The following BICD1 variants were observed in gnomAD, a reference collection of about 807,000 sequenced individuals.
BICD1 encodes the protein protein bicaudal D homolog 1.
Under a neutral mutation model 92.5 loss-of-function variants are expected in BICD1, and 35 were observed. That is an observed-to-expected ratio of 0.38 (90% CI 0.29 to 0.50). The LOEUF (loss-of-function observed/expected upper bound fraction) is 0.50, where lower values mean the gene tolerates loss of function less well. Among genes scored for constraint, BICD1 ranks in the 20% least tolerant of loss-of-function variants. The pLI is 0.93. For synonymous variants in BICD1, 429 were observed against 465.1 expected, an observed-to-expected ratio of 0.92 and a Z score of 1.00; for missense variants, 950 against 1,189.8, an observed-to-expected ratio of 0.80 and a Z score of 2.97.
rs542069299 is a variant in BICD1 at position 32,248,796 on chromosome 12, C to T, written c.426+32337C>T. ...ATTTATTAAGCAAAAGGAAAGCTCTCAGCAAAGAGGGGGGTCTGGAAAAGC... is the reference window on the plus strand; with the variant it reads ...ATTTATTAAGCAAAAGGAAAGCTCTTAGCAAAGAGGGGGGTCTGGAAAAGC... On this transcript the variant is annotated intron_variant, in intron 2 of 9. Transcript: ENST00000652176. 8.5e-5 allele frequency among the ~76,000 whole-genome samples: 13 copies of T among 152,242 alleles called. No individual in the cohort carries two copies. The South Asian group carries it at 2.5e-3, about 29-fold the overall frequency.
chr12:32,311,381 C>T (rs1049176760), intron 4 of BICD1, among the ~76,000 whole-genome samples: 1 of 152,148 alleles, frequency 6.6e-6, no homozygotes, highest in African/African-American at 2.4e-5. Flanking sequence ...TGCCTGTAGT[C>T]CCAGCTACTT....
chr12:32,243,745 C>A (rs761703494), intron 2 of BICD1, among the ~76,000 whole-genome samples: 1 of 152,144 alleles, frequency 6.6e-6, no homozygotes, highest in Non-Finnish European at 1.5e-5. Flanking sequence ...GCCCTTTAAG[C>A]AGAGAATATC....
At chr12:32,141,765 C>G (rs1022524456) in intron 1 of BICD1, among the ~76,000 whole-genome samples, 2 of 152,162 alleles carry the variant, frequency 1.3e-5, no homozygotes, top group African/African-American at 4.8e-5. Context: ...TGAGCCACCG[C>G]GCCTGGCCTG....
intron 1 of BICD1, among the ~76,000 whole-genome samples, chr12:32,174,296 A>G (rs982754424): frequency 9.9e-5 from 15 of 152,126 alleles, no homozygotes; most frequent in African/African-American, 3.6e-4. Flanking sequence ...TTATAGAAAT[A>G]TTCTTAAATT....
intron 1 of BICD1, among the ~76,000 whole-genome samples, chr12:32,185,330 C>T (rs1302236265): frequency 2.0e-5 from 3 of 152,188 alleles, no homozygotes; most frequent in African/African-American, 7.2e-5. Context: ...GAAATTATTA[C>T]ATTATACATT....
chr12:32,349,537 CAA>C (rs1938775863), intron 8 of BICD1, among the ~76,000 whole-genome samples: 1 of 152,096 alleles, frequency 6.6e-6, no homozygotes, highest in Non-Finnish European at 1.5e-5. Flanking sequence ...GCTATGAATT[CAA>C]GTTATTCTGT....
chr12:32,225,669 G>A (rs1167237971), intron 2 of BICD1, among the ~76,000 whole-genome samples: 1 of 124,112 alleles, frequency 8.1e-6, no homozygotes, highest in Admixed American at 1.1e-4. Flanking sequence ...TGTCCAGGCT[G>A]GAGTTCAATG....
At chr12:32,346,590 A>ATATATATATATATATACGTG (rs1938611720) in intron 8 of BICD1, among the ~76,000 whole-genome samples, 1 of 6,072 alleles carries the variant, frequency 1.6e-4, no homozygotes, top group Non-Finnish European at 2.4e-4. Context: ...ATACGTGTAT[A>ATATATATATATATATACGTG]TATATATATA....
rs552467310 is a variant in BICD1 at position 32,212,777 on chromosome 12, G to A, written c.214-3470G>A. On this transcript the variant is annotated intron_variant, in intron 1 of 9. Coordinates refer to ENST00000652176, the MANE Select transcript of BICD1 (RefSeq NM_001714.4). Reference sequence around the variant, plus strand: ...ATAAAATCACAAGTTATGCCAGAAAGCCACCGTACTTCTCATTGAATATAG... The same window carrying A: ...ATAAAATCACAAGTTATGCCAGAAAACCACCGTACTTCTCATTGAATATAG... Among the ~76,000 whole-genome samples the A allele has an allele frequency of 2.0e-5, 3 of 152,262 alleles. No individual in the cohort carries two copies. In the East Asian group the frequency reaches 5.8e-4, roughly 29 times the overall value.
chr12:32,163,078 AAT>A, intron 1 of BICD1, among the ~76,000 whole-genome samples: 1 of 152,322 alleles, frequency 6.6e-6, no homozygotes, highest in South Asian at 2.1e-4. Context: ...AAGCCTCATG[AAT>A]ATCTCTTACA....
At chr12:32,375,116 G>C (rs954701085) in intron 9 of BICD1, among the ~76,000 whole-genome samples, 16 of 150,206 alleles carry the variant, frequency 1.1e-4, no homozygotes, top group Admixed American at 2.7e-4. Context: ...TAGTAGAGAC[G>C]GGGTTTCACC....
chr12:32,282,199 C>CTTTT (rs1565639578), intron 2 of BICD1, among the ~76,000 whole-genome samples: 1 of 68,994 alleles, frequency 1.4e-5, no homozygotes, highest in Non-Finnish European at 2.8e-5. Flanking sequence ...TTCAGGTCTT[C>CTTTT]TTCTTTTTTT....
intron 1 of BICD1, 139 bp downstream of exon 1, chr12:32,107,683 GAT>G (rs1452467550): frequency 1.1e-6 from 1 of 943,824 alleles, no homozygotes; most frequent in African/African-American, 1.6e-5. Context: ...GGTAAGAGAA[GAT>G]TGAAAGAGTC....
rs570350221 is a variant in BICD1 at position 32,225,591 on chromosome 12, GC to G, written c.426+9135del. ...GTTCCTGTTGCCCCTATTCTTTCCA[GC>G]CCTTGGTATTTGACAGTTCTTTTTT... On this transcript the variant is annotated intron_variant, in intron 2 of 9. Transcript: ENST00000652176. Among the ~76,000 whole-genome samples, 325 of 135,980 alleles carry G rather than the reference GC, an allele frequency of 2.4e-3. 1 individual carries two copies. The highest frequency in any genetic ancestry group is 8.5e-3 in the African/African-American group (314 of 37,074). The allele number at this position is 135,980 out of a possible 152,430, so 89.2% of individuals were successfully genotyped here.
intron 4 of BICD1, among the ~76,000 whole-genome samples, chr12:32,314,952 A>G (rs891186557): frequency 3.3e-5 from 5 of 151,894 alleles, no homozygotes; most frequent in Non-Finnish European, 5.9e-5. Flanking sequence ...AGCTAAAAAA[A>G]CTTTTTAATC....
chr12:32,297,774 A>C (rs1297264170), intron 3 of BICD1, among the ~76,000 whole-genome samples: 2 of 152,054 alleles, frequency 1.3e-5, no homozygotes, highest in African/African-American at 2.4e-5. Context: ...TTATTGTTTA[A>C]AAAACACCTC....
intron 2 of BICD1, among the ~76,000 whole-genome samples, chr12:32,283,148 AAGAGG>A (rs1947465628): frequency 6.2e-5 from 1 of 16,236 alleles, no homozygotes. Context: ...TGACTGTAGG[AAGAGG>A]AAGAGAGAGA....
chr12:32,186,571 AG>A (rs1212181541), intron 1 of BICD1, among the ~76,000 whole-genome samples: 1 of 152,202 alleles, frequency 6.6e-6, no homozygotes, highest in Non-Finnish European at 1.5e-5. Flanking sequence ...ATGGTGTTTC[AG>A]GGGGACAGTT....
rs143202755 is a variant in BICD1 at position 32,124,017 on chromosome 12, T to C, written c.213+16473T>C. ...GCTGACTTGCCTGGTTCCTTGTACC[T>C]GAATCTTTACCTAAGTGTCTTGTGC... On this transcript the variant is annotated intron_variant, in intron 1 of 9. Coordinates refer to ENST00000652176, the MANE Select transcript of BICD1 (RefSeq NM_001714.4). 7.2e-4 allele frequency among the ~76,000 whole-genome samples: 110 copies of C among 152,350 alleles called. 4 individuals are homozygous for C. In the East Asian group the frequency reaches 0.019, roughly 26 times the overall value.
Sources: gnomAD v4.1 joint callset for allele counts (sites outside exome capture counted in the v4.1 genomes callset) on GRCh38, gnomAD v4.1.1 for gene constraint, MANE v1.5 for transcripts, NCBI Gene and HGNC (gene_info 2026-07-23, HGNC 2026-07-21) for gene names.